Variants in MARCHF4 observed in about 807,000 individuals in gnomAD.
MARCHF4 encodes E3 ubiquitin-protein ligase MARCHF4.
A neutral mutation model predicts 43.9 loss-of-function variants in MARCHF4; 14 were observed. The ratio of observed to expected loss-of-function variants is 0.32; its 90% CI spans 0.21 to 0.50. The LOEUF is 0.50. Among genes scored for constraint, MARCHF4 ranks in the 20% least tolerant of loss-of-function variants. The pLI, the probability that MARCHF4 is intolerant of heterozygous loss-of-function variation, is 0.98. For missense variants in MARCHF4, 468 were observed against 536.7 expected (o/e 0.87, Z 1.27); for synonymous variants, 226 against 213.3 (o/e 1.06, Z -0.52).
chr2:216,320,619 CTTTCT>C (rs1691866677), intron 1 of MARCHF4, among the ~76,000 whole-genome samples: 1 of 67,858 alleles, frequency 1.5e-5, no homozygotes, highest in Non-Finnish European at 2.9e-5. Context: ...TTCTTTCTTT[CTTTCT>C]TTCTTTCTTT....
At chr2:216,318,581 A>G (rs1008655299) in intron 1 of MARCHF4, among the ~76,000 whole-genome samples, 6 of 152,162 alleles carry the variant, frequency 3.9e-5, no homozygotes, top group Non-Finnish European at 7.4e-5. Flanking sequence ...GAGGGAGTGA[A>G]CTGTGTGAAT....
intron 1 of MARCHF4, among the ~76,000 whole-genome samples, chr2:216,334,572 T>A (rs892727929): frequency 9.2e-5 from 14 of 152,132 alleles, no homozygotes; most frequent in Middle Eastern, 3.2e-3. Flanking sequence ...AGCTAGTTTT[T>A]AAATTTTTTG....
At chr2:216,319,318 A>G (rs534172636) in intron 1 of MARCHF4, among the ~76,000 whole-genome samples, 1 of 152,216 alleles carries the variant, frequency 6.6e-6, no homozygotes, top group South Asian at 2.1e-4. Context: ...AAACAAAACA[A>G]AACAAAACAA....
intron 3 of MARCHF4, among the ~76,000 whole-genome samples, chr2:216,277,384 T>G (rs113300634): frequency 2.0e-5 from 3 of 152,288 alleles, no homozygotes; most frequent in Admixed American, 6.5e-5. Flanking sequence ...TTGAAGTACA[T>G]AGACTAACAA....
intron 3 of MARCHF4, among the ~76,000 whole-genome samples, chr2:216,273,911 G>T (rs1324043945): frequency 6.6e-6 from 1 of 152,242 alleles, no homozygotes; most frequent in Non-Finnish European, 1.5e-5. Context: ...GAGGTGGTGG[G>T]AGAGGGGTGA....
intron 3 of MARCHF4, among the ~76,000 whole-genome samples, chr2:216,271,356 T>C (rs1690934166): frequency 6.6e-6 from 1 of 152,220 alleles, no homozygotes; most frequent in African/African-American, 2.4e-5. Context: ...TGATTTGTCT[T>C]TGGAAACTAG....
intron 1 of MARCHF4, among the ~76,000 whole-genome samples, chr2:216,353,572 G>A (rs796632280): frequency 2.0e-5 from 3 of 152,112 alleles, no homozygotes; most frequent in African/African-American, 7.2e-5. Flanking sequence ...TTCTGCGATG[G>A]AGTCTTACTC....
chr2:216,259,822 AG>A, intron 3 of MARCHF4, 143 bp from the exon 4 acceptor site: 2 of 799,556 alleles, frequency 2.5e-6, no homozygotes, highest in Non-Finnish European at 3.9e-6. Flanking sequence ...CTAGATTCCC[AG>A]GCTCAGCAAG....
At chr2:216,322,225 C>T (rs1691908310) in intron 1 of MARCHF4, among the ~76,000 whole-genome samples, 1 of 152,062 alleles carries the variant, frequency 6.6e-6, no homozygotes, top group East Asian at 1.9e-4. Context: ...GACCAACTTA[C>T]CAGGAGATAA....
At chr2:216,354,902 T>TCTTTCTTC in intron 1 of MARCHF4, among the ~76,000 whole-genome samples, 1 of 55,718 alleles carries the variant, frequency 1.8e-5, no homozygotes, top group African/African-American at 9.2e-5. Flanking sequence ...TTTCTTTCTT[T>TCTTTCTTC]CTTTCTTTCT....
chr2:216,262,818 CT>C (rs1413562664), intron 3 of MARCHF4, among the ~76,000 whole-genome samples: 1 of 151,978 alleles, frequency 6.6e-6, no homozygotes, highest in Non-Finnish European at 1.5e-5. Context: ...GCTACTATGT[CT>C]TTTAAATTAA....
chr2:216,308,278 T>C (rs2105954405), intron 1 of MARCHF4, among the ~76,000 whole-genome samples: 1 of 152,228 alleles, frequency 6.6e-6, no homozygotes, highest in Admixed American at 6.5e-5. Flanking sequence ...TGGTGGTATG[T>C]GACTGTAGTC....
intron 1 of MARCHF4, among the ~76,000 whole-genome samples, chr2:216,329,652 AAGAT>A (rs910008227): frequency 4.6e-5 from 7 of 151,838 alleles, no homozygotes; most frequent in Non-Finnish European, 8.8e-5. Context: ...AACAAATAGA[AAGAT>A]AGTAAATATA....
intron 2 of MARCHF4, among the ~76,000 whole-genome samples, chr2:216,279,459 A>C (rs1198841320): frequency 6.6e-6 from 1 of 152,228 alleles, no homozygotes; most frequent in African/African-American, 2.4e-5. Flanking sequence ...TGACAGGATC[A>C]AATTTGGGAA....
At chr2:216,349,462 T>C (rs940643835) in intron 1 of MARCHF4, among the ~76,000 whole-genome samples, 2 of 152,190 alleles carry the variant, frequency 1.3e-5, no homozygotes, top group Non-Finnish European at 2.9e-5. Context: ...GAGCTCATCG[T>C]TCACCTGGGA....
In MARCHF4 at chr2:216,361,851, G is replaced by T. The variant is rs117910328; in HGVS notation, c.516+7894C>A. Among the ~76,000 whole-genome samples the T allele has an allele frequency of 1.2e-3, 185 of 152,290 alleles. No homozygotes were observed. In the East Asian group the frequency reaches 0.027, roughly 22 times the overall value. On this transcript the variant is annotated intron_variant, in intron 1 of 3. Transcript: ENST00000273067. ...AGTGTGATCTGAGGGCTCCATTCCAGGTCTCTGAGACACACTGGTGGGATG... is the reference window on the plus strand; with the variant it reads ...AGTGTGATCTGAGGGCTCCATTCCATGTCTCTGAGACACACTGGTGGGATG...
At chr2:216,314,268 G>A (rs1691735729) in intron 1 of MARCHF4, among the ~76,000 whole-genome samples, 3 of 151,860 alleles carry the variant, frequency 2.0e-5, no homozygotes, top group Admixed American at 1.3e-4. Context: ...GCCCTCCATA[G>A]AGTTTACAAT....
Position 216,259,359 on chromosome 2 carries a change from G to A in MARCHF4, c.1186C>T (p.Pro396Ser). The change falls in exon 4 of 4, where the codon CCC becomes TCC. Residue 396 changes from proline to serine, a missense_variant. Around this residue, in one of 3 missense-constraint regions of MARCHF4, gnomAD observed 120 missense variants for 127.1 expected, o/e 0.94. Coordinates refer to ENST00000273067, the MANE Select transcript of MARCHF4 (RefSeq NM_020814.3). ...SHLRPHEQRSPPGSSRELVMR... is the reference protein window; with the variant it reads ...SHLRPHEQRSSPGSSRELVMR... ...ACCAGCTCTCGGCTGCTGCCTGGGG[G>A]ACTTCGCTGTTCATGAGGTCTCAAG... The A allele has an allele frequency of 6.3e-7, 1 of 1,588,958 alleles. No individual in the cohort carries two copies. Among genetic ancestry groups the A allele is most frequent in the Non-Finnish European group, 8.6e-7 (1 of 1,164,458 alleles).
intron 2 of MARCHF4, among the ~76,000 whole-genome samples, chr2:216,279,454 G>A (rs1376458633): frequency 6.6e-6 from 1 of 152,212 alleles, no homozygotes; most frequent in Non-Finnish European, 1.5e-5. Flanking sequence ...AGGACTGACA[G>A]GATCAAATTT....
Sources: allele counts gnomAD v4.1 joint callset (sites outside exome capture counted in the v4.1 genomes callset), GRCh38; gene constraint gnomAD v4.1.1; regional missense constraint gnomAD v4.1.1; transcripts MANE v1.5; gene names NCBI Gene and HGNC (gene_info 2026-07-23, HGNC 2026-07-21).